FKTN: variants seen among roughly 807,000 people sequenced by gnomAD.
FKTN encodes ribitol-5-phosphate transferase FKTN.
Under a neutral mutation model 58.6 loss-of-function variants are expected in FKTN, and 47 were observed. The ratio of observed to expected loss-of-function variants is 0.80; its 90% CI spans 0.63 to 1.02. The LOEUF (loss-of-function observed/expected upper bound fraction) is 1.02, where lower values mean the gene tolerates loss of function less well. Ranked by LOEUF, FKTN falls within the 50% of genes least tolerant of loss-of-function variation. The pLI is 0.00. For synonymous variants in FKTN, 178 were observed against 191.9 expected, an observed-to-expected ratio of 0.93 and a Z score of 0.60; for missense variants, 516 against 537.3, an observed-to-expected ratio of 0.96 and a Z score of 0.39.
At position 105,613,208 on chromosome 9, in the gene FKTN, T is replaced by C. The variant is rs556752456; in HGVS notation, c.781-2070T>C. Among the ~76,000 whole-genome samples the C allele has an allele frequency of 5.9e-5, 9 of 152,358 alleles. No homozygotes were observed. In the East Asian group the frequency reaches 9.6e-4, roughly 16 times the overall value. ...CAAGATGTCAGTTACATGGTCATCA[T>C]TGGTTGAGCATGGACTAAATCCTAG... On this transcript the variant is annotated intron_variant, in intron 7 of 10. Transcript: ENST00000357998.
At chr9:105,565,402 C>G (rs543227251) in intron 1 of FKTN, among the ~76,000 whole-genome samples, 144 of 152,186 alleles carry the variant, frequency 9.5e-4, no homozygotes, top group African/African-American at 3.4e-3. Context: ...TTCAGGAAAC[C>G]CATCTCACAT....
In FKTN at chr9:105,604,425, C is replaced by T; in HGVS notation, c.580C>T (p.His194Tyr). 1 of 1,614,032 alleles carries T rather than the reference C, an allele frequency of 6.2e-7. No homozygotes were observed. The highest frequency in any genetic ancestry group is 1.1e-5 in the South Asian group (1 of 91,088). Residue 194 changes from histidine to tyrosine, a missense_variant, in exon 6 of 11, where the codon CAC (histidine) becomes TAC (tyrosine). His to Tyr is a moderately conservative substitution (Grantham distance 83, BLOSUM62 2). Coordinates refer to ENST00000357998, the MANE Select transcript of FKTN (RefSeq NM_001079802.2). ...GCACGGCCACTTGAGACTTAAAGAACACATTGACAGGAAATTTGTTCCCTT... is the reference window on the plus strand; with the variant it reads ...GCACGGCCACTTGAGACTTAAAGAATACATTGACAGGAAATTTGTTCCCTT... Reference protein sequence around the residue: ...LWHGHLRLKEHIDRKFVPFRK... With the variant: ...LWHGHLRLKEYIDRKFVPFRK...
chr9:105,596,572 A>T (rs1291661895), intron 3 of FKTN, 26 bp from the exon 4 acceptor site: 1 of 1,581,188 alleles, frequency 6.3e-7, no homozygotes, highest in African/African-American at 1.3e-5. Flanking sequence ...TGAATTTACT[A>T]AAAAGTTCTT....
intron 3 of FKTN, among the ~76,000 whole-genome samples, chr9:105,583,568 C>A (rs182239475): frequency 2.0e-5 from 3 of 152,192 alleles, no homozygotes; most frequent in Admixed American, 1.3e-4. Context: ...ATGATGTTGT[C>A]TTTTTCTGTA....
chr9:105,558,636 GAA>G (rs562757053), intron 1 of FKTN, among the ~76,000 whole-genome samples: 4 of 133,366 alleles, frequency 3.0e-5, no homozygotes, highest in South Asian at 2.4e-4. Context: ...GTCAGATGTG[GAA>G]AAAAAAAAAA....
At chr9:105,581,937 T>C (rs920579629) in intron 3 of FKTN, among the ~76,000 whole-genome samples, 2 of 152,146 alleles carry the variant, frequency 1.3e-5, no homozygotes, top group Non-Finnish European at 2.9e-5. Flanking sequence ...TTTCCAGGTG[T>C]GTCCGTCACC....
intron 1 of FKTN, among the ~76,000 whole-genome samples, chr9:105,572,132 T>C (rs1587844577): frequency 1.3e-5 from 2 of 152,280 alleles, no homozygotes. Flanking sequence ...AAAATAATTA[T>C]GATTTATTAG....
Position 105,640,815 on chromosome 9 carries a change from C to T in FKTN, c.*5551C>T, listed in dbSNP as rs1834372517. The T allele has an allele frequency of 6.6e-6, 1 of 152,078 alleles. No individual in the cohort carries two copies. The highest frequency in any genetic ancestry group is 2.1e-4 in the South Asian group (1 of 4,824). The allele number at this position is 152,078 out of a possible 1,614,324, so 9.4% of individuals were successfully genotyped here. On this transcript the variant is annotated 3_prime_UTR_variant, in exon 11 of 11. Transcript: ENST00000357998. ...GAAAAAAATAACAGGATTTTACAGC[C>T]TTCTGATGATTCATTCAAAGCATGG...
chr9:105,564,575 A>G (rs1839004263), intron 1 of FKTN, among the ~76,000 whole-genome samples: 1 of 152,212 alleles, frequency 6.6e-6, no homozygotes, highest in Admixed American at 6.5e-5. Flanking sequence ...GAATGAAATG[A>G]AGCCAGAAGA....
intron 7 of FKTN, among the ~76,000 whole-genome samples, chr9:105,612,297 G>C (rs902035586): frequency 1.4e-4 from 22 of 151,930 alleles, no homozygotes; most frequent in Non-Finnish European, 3.1e-4. Context: ...GTTAAGGTTT[G>C]CAAACCATAG....
chr9:105,604,640 G>T, intron 6 of FKTN, 148 bp downstream of exon 6: 1 of 692,944 alleles, frequency 1.4e-6, no homozygotes. Flanking sequence ...CAAATTAGAA[G>T]CCACCCAAAT....
intron 4 of FKTN, 189 bp downstream of exon 4, chr9:105,596,846 A>G (rs1826898598): frequency 3.4e-6 from 2 of 596,432 alleles, no homozygotes; most frequent in Non-Finnish European, 6.0e-6. Context: ...TAGTCCCTAT[A>G]GAAAGTTTAA....
chr9:105,640,349 G>A lies in FKTN; in HGVS notation c.*5085G>A, dbSNP rs1198993059. ...GTGGATCACTTGAGGCCAGGAGTTCGAGACCAGCCTGGCCAACATAGTGAA... is the reference window on the plus strand; with the variant it reads ...GTGGATCACTTGAGGCCAGGAGTTCAAGACCAGCCTGGCCAACATAGTGAA... On this transcript the variant is annotated 3_prime_UTR_variant, in exon 11 of 11. Coordinates refer to ENST00000357998, the MANE Select transcript of FKTN (RefSeq NM_001079802.2). 5 of 479,248 alleles carry A rather than the reference G, an allele frequency of 1.0e-5. No individual in the cohort carries two copies. The highest frequency in any genetic ancestry group is 7.8e-5 in the South Asian group (2 of 25,512). The allele number at this position is 479,248 out of a possible 1,614,324, so 29.7% of individuals were successfully genotyped here. A position where few individuals can be genotyped will look rare whatever the true frequency, so the allele number is the denominator to read the frequency against.
At chr9:105,631,434 G>A (rs1416007872) in intron 10 of FKTN, among the ~76,000 whole-genome samples, 1 of 152,112 alleles carries the variant, frequency 6.6e-6, no homozygotes, top group Non-Finnish European at 1.5e-5. Context: ...CAATTCTAGA[G>A]TTAATGTAAA....
chr9:105,580,959 C>T (rs1335216698), intron 3 of FKTN, among the ~76,000 whole-genome samples: 1 of 126,454 alleles, frequency 7.9e-6, no homozygotes, highest in African/African-American at 3.4e-5. Flanking sequence ...TTGATCGCAT[C>T]GGCTCCTGAG....
At chr9:105,584,236 A>T (rs941576259) in intron 3 of FKTN, among the ~76,000 whole-genome samples, 13 of 152,344 alleles carry the variant, frequency 8.5e-5, no homozygotes, top group African/African-American at 2.9e-4. Context: ...GAAAGAAACC[A>T]GTAAAAATTG....
chr9:105,618,182 A>G, intron 9 of FKTN, 90 bp downstream of exon 9: 2 of 1,053,876 alleles, frequency 1.9e-6, no homozygotes, highest in South Asian at 2.6e-5. Context: ...TAAGAATGCT[A>G]CATACATAAT....
In FKTN at chr9:105,604,085, G is replaced by A; in HGVS notation, c.370-130G>A. Reference sequence around the variant, plus strand: ...ACCCTCATTAAAAAATGTTCTTACAGAGCAGATTAGCACAAAAATATGGCT... The same window carrying A: ...ACCCTCATTAAAAAATGTTCTTACAAAGCAGATTAGCACAAAAATATGGCT... On this transcript the variant is annotated intron_variant, in intron 5 of 10. Coordinates refer to ENST00000357998, the MANE Select transcript of FKTN (RefSeq NM_001079802.2). 3.4e-6 allele frequency: 3 copies of A among 893,792 alleles called. No individual in the cohort carries two copies. The South Asian group carries it at 4.1e-5, about 12-fold the overall frequency. 55.4% of individuals were successfully genotyped at this position (893,792 alleles called of 1,614,324 possible).
chr9:105,588,681 A>G (rs1474987230), intron 3 of FKTN, among the ~76,000 whole-genome samples: 2 of 152,188 alleles, frequency 1.3e-5, no homozygotes, highest in Non-Finnish European at 2.9e-5. Flanking sequence ...TACTGTTGTC[A>G]GAGATATTTT....
Sources: allele counts gnomAD v4.1 joint callset (sites outside exome capture counted in the v4.1 genomes callset), GRCh38; gene constraint gnomAD v4.1.1; transcripts MANE v1.5; gene names NCBI Gene and HGNC (gene_info 2026-07-23, HGNC 2026-07-21).